Variants in ALK observed in about 807,000 individuals in gnomAD.
ALK encodes the protein ALK tyrosine kinase receptor.
A neutral mutation model predicts 163.1 loss-of-function variants in ALK; 74 were observed. That is an observed-to-expected ratio of 0.45 (90% CI 0.38 to 0.55). The LOEUF (loss-of-function observed/expected upper bound fraction) is 0.55. Ranked by LOEUF, ALK falls within the 20% of genes least tolerant of loss-of-function variation. ALK has a pLI of 0.00. For missense variants in ALK, 2,063 were observed against 2,105.3 expected (o/e 0.98, Z 0.39); for synonymous variants, 960 against 843.2 (o/e 1.14, Z -2.40).
At chr2:29,225,230 CGG>C (rs1055307003) in intron 19 of ALK, among the ~76,000 whole-genome samples, 1 of 152,098 alleles carries the variant, frequency 6.6e-6, no homozygotes, top group Non-Finnish European at 1.5e-5. Flanking sequence ...AGGATACACA[CGG>C]GGCTGAGGTG....
intron 3 of ALK, among the ~76,000 whole-genome samples, chr2:29,626,171 G>A (rs1404176410): frequency 6.6e-6 from 1 of 152,146 alleles, no homozygotes; most frequent in Non-Finnish European, 1.5e-5. Flanking sequence ...TTGGAGGTGG[G>A]ACCCTTGGGA....
chr2:29,201,714 G>A (rs547950225), intron 26 of ALK, among the ~76,000 whole-genome samples: 2 of 151,842 alleles, frequency 1.3e-5, no homozygotes, highest in East Asian at 3.9e-4. Context: ...TTCAACCTAG[G>A]AGGCGGAGGT....
Position 29,227,949 on chromosome 2 carries a change from G to A in ALK, c.2816-277C>T, listed in dbSNP as rs1664058366. On this transcript the variant is annotated intron_variant, in intron 16 of 28. Coordinates refer to ENST00000389048, the MANE Select transcript of ALK (RefSeq NM_004304.5). This position sits in a 1 kb window ranked among gnomAD's most constrained non-coding sequence, Gnocchi z 4.4. ...TAAGAAGTGGTTAATGTGAGCAAGA[G>A]TCCAAAAAGTTCTAGTCTTTCCAGG... Among the ~76,000 whole-genome samples the A allele has an allele frequency of 6.6e-6, 1 of 152,200 alleles. No homozygotes were observed. Among genetic ancestry groups the A allele is most frequent in the African/African-American group, 2.4e-5 (1 of 41,458 alleles).
intron 13 of ALK, 89 bp from the exon 14 acceptor site, chr2:29,233,785 T>C: frequency 1.3e-6 from 2 of 1,558,502 alleles, no homozygotes; most frequent in Non-Finnish European, 1.8e-6. Flanking sequence ...AAAAACAGGA[T>C]CTGACTCTCT....
chr2:29,687,278 A>T (rs1028200083), intron 3 of ALK, among the ~76,000 whole-genome samples: 10 of 151,764 alleles, frequency 6.6e-5, no homozygotes, highest in African/African-American at 2.4e-4. Context: ...CTTCAAGGAT[A>T]AGCCAAGCAG....
rs770090734 is a variant in ALK at position 29,225,507 on chromosome 2, A to G, written c.3126T>C (p.Ser1042=). 2.5e-6 allele frequency: 4 copies of G among 1,613,480 alleles called. No individual in the cohort carries two copies. The East Asian group carries it at 6.7e-5, about 27-fold the overall frequency. ...PLSLILSVVT[S]ALVAALVLAF... is the part of the protein sequence containing the mutation. ...CCAGGACCAGGGCGGCCACGAGGGC[A>G]GAGGTCACCACAGAGAGGATCAGCG... The change falls in exon 19 of 29, where the codon TCT becomes TCC. Residue 1042 remains serine (S), a synonymous_variant. Coordinates refer to ENST00000389048, the MANE Select transcript of ALK (RefSeq NM_004304.5).
intron 1 of ALK, among the ~76,000 whole-genome samples, chr2:29,908,203 G>A (rs1667600840): frequency 6.6e-6 from 1 of 152,002 alleles, no homozygotes. Context: ...GACACAAAAA[G>A]CCAGGCTAAC....
intron 5 of ALK, among the ~76,000 whole-genome samples, chr2:29,349,968 A>C (rs1214729533): frequency 6.6e-6 from 1 of 152,196 alleles, no homozygotes; most frequent in Non-Finnish European, 1.5e-5. Flanking sequence ...CAGGAATGTT[A>C]CCCACTCAAG....
intron 4 of ALK, among the ~76,000 whole-genome samples, chr2:29,398,810 G>T (rs1057095242): frequency 6.6e-6 from 1 of 152,200 alleles, no homozygotes. Flanking sequence ...AATTCTGTGG[G>T]TGGTTGCAAA....
chr2:29,874,569 C>T (rs973348232), intron 1 of ALK, among the ~76,000 whole-genome samples: 1 of 152,208 alleles, frequency 6.6e-6, no homozygotes, highest in African/African-American at 2.4e-5. Flanking sequence ...GTTGTTCAAG[C>T]TCTTTGGGGA....
At position 29,265,393 on chromosome 2, in the gene ALK, C is replaced by T. The variant is rs1193243930; in HGVS notation, c.2041+9706G>A. On this transcript the variant is annotated intron_variant, in intron 11 of 28. Transcript: ENST00000389048. Reference sequence around the variant, plus strand: ...GCCACTCCCCTAATCCCATGTCTGACGAAATGGATTGGCTGGTAGACTGAA... The same window carrying T: ...GCCACTCCCCTAATCCCATGTCTGATGAAATGGATTGGCTGGTAGACTGAA... Among the ~76,000 whole-genome samples the T allele has an allele frequency of 5.3e-5, 8 of 152,090 alleles. No individual in the cohort carries two copies. In the East Asian group the frequency reaches 5.8e-4, roughly 11 times the overall value.
intron 1 of ALK, among the ~76,000 whole-genome samples, chr2:29,860,023 A>T (rs1400408945): frequency 6.6e-6 from 1 of 152,206 alleles, no homozygotes; most frequent in Non-Finnish European, 1.5e-5. Flanking sequence ...AACAAGAATC[A>T]GAACAGCAGT....
At chr2:29,236,610 T>C (rs548635118) in intron 13 of ALK, among the ~76,000 whole-genome samples, 1 of 152,152 alleles carries the variant, frequency 6.6e-6, no homozygotes, top group Non-Finnish European at 1.5e-5. Context: ...GTCAAGGCTC[T>C]TGCTGGACCA....
intron 3 of ALK, among the ~76,000 whole-genome samples, chr2:29,627,188 C>G (rs1676215685): frequency 6.6e-6 from 1 of 152,170 alleles, no homozygotes. Context: ...ATTTTCTAGA[C>G]CACCACGGTT....
intron 1 of ALK, among the ~76,000 whole-genome samples, chr2:29,788,438 C>G (rs1250009870): frequency 6.6e-6 from 1 of 152,224 alleles, no homozygotes; most frequent in Non-Finnish European, 1.5e-5. Context: ...CAGTTGCTTT[C>G]TTTCCCTTTC....
intron 4 of ALK, among the ~76,000 whole-genome samples, chr2:29,467,885 T>A (rs1671251025): frequency 6.6e-6 from 1 of 152,220 alleles, no homozygotes; most frequent in Non-Finnish European, 1.5e-5. Flanking sequence ...TTAAAATAGG[T>A]TATTTACACC....
chr2:29,377,884 T>A (rs1157468599), intron 5 of ALK, among the ~76,000 whole-genome samples: 1 of 152,184 alleles, frequency 6.6e-6, no homozygotes, highest in Non-Finnish European at 1.5e-5. Flanking sequence ...GGTTATGACA[T>A]CCTCTCTAAT....
intron 3 of ALK, among the ~76,000 whole-genome samples, chr2:29,644,517 G>A (rs907154970): frequency 5.9e-5 from 9 of 152,086 alleles, no homozygotes; most frequent in Non-Finnish European, 8.8e-5. Flanking sequence ...AGTCATGTCT[G>A]TGTGTCTTTG....
intron 4 of ALK, among the ~76,000 whole-genome samples, chr2:29,418,042 C>A (rs1669923525): frequency 6.6e-6 from 1 of 152,214 alleles, no homozygotes; most frequent in South Asian, 2.1e-4. Flanking sequence ...TAAGGTCATG[C>A]TTCCTGGCTT....
Sources: gnomAD v4.1 joint callset for allele counts (sites outside exome capture counted in the v4.1 genomes callset) on GRCh38, gnomAD v4.1.1 for gene constraint, Gnocchi (gnomAD v3.1) non-coding constraint, MANE v1.5 for transcripts, NCBI Gene and HGNC (gene_info 2026-07-23, HGNC 2026-07-21) for gene names.